The following FAM193B variants were observed in gnomAD, a reference collection of about 807,000 sequenced individuals.
The protein encoded by FAM193B is family with sequence similarity 193 member B.
A neutral mutation model predicts 70.7 loss-of-function variants in FAM193B; 27 were observed. That is an observed-to-expected ratio of 0.38 (90% CI 0.28 to 0.53). The LOEUF (loss-of-function observed/expected upper bound fraction) is 0.53, where lower values mean the gene tolerates loss of function less well. Among genes scored for constraint, FAM193B ranks in the 20% least tolerant of loss-of-function variants. FAM193B has a pLI of 0.81. For missense variants in FAM193B, 1,022 were observed against 1,072.5 expected (o/e 0.95, Z 0.66); for synonymous variants, 448 against 436.0 (o/e 1.03, Z -0.34).
At chr5:177,547,519 C>T (rs1035297076) in intron 1 of FAM193B, among the ~76,000 whole-genome samples, 9 of 151,288 alleles carry the variant, frequency 5.9e-5, no homozygotes, top group Admixed American at 2.0e-4. Context: ...CTCCTGACCT[C>T]GTGATCCTCC....
At chr5:177,521,784 G>A (rs1193561752) in intron 8 of FAM193B, among the ~76,000 whole-genome samples, 190 bp downstream of exon 8, 1 of 152,214 alleles carries the variant, frequency 6.6e-6, no homozygotes, top group East Asian at 1.9e-4. Flanking sequence ...GTGGCTGCGG[G>A]AGGAGATGGG....
intron 1 of FAM193B, among the ~76,000 whole-genome samples, chr5:177,544,417 C>T (rs578084726): frequency 2.0e-5 from 3 of 152,088 alleles, no homozygotes; most frequent in Non-Finnish European, 4.4e-5. Flanking sequence ...TTTCATGGAA[C>T]ACCATTTTTT....
Position 177,554,188 on chromosome 5 carries a change from C to A in FAM193B, c.210+61G>T, listed in dbSNP as rs1428632526. ...CCCATCCCCAACCCCGCCCCACTCC[C>A]GCTCCCGCTCGGGGAAGGTGAAAGC... On this transcript the variant is annotated intron_variant, in intron 1 of 8. Coordinates refer to ENST00000514747, the MANE Select transcript of FAM193B (RefSeq NM_001190946.3). The A allele has an allele frequency of 2.0e-6, 3 of 1,474,810 alleles. No individual in the cohort carries two copies. In the South Asian group the frequency reaches 3.7e-5, roughly 18 times the overall value. The allele number at this position is 1,474,810 out of a possible 1,614,324, so 91.4% of individuals were successfully genotyped here.
At position 177,524,380 on chromosome 5, in the gene FAM193B, C is replaced by T. The variant is rs1762259090; in HGVS notation, c.2101G>A (p.Gly701Ser). The T allele has an allele frequency of 1.3e-6, 2 of 1,573,474 alleles. No homozygotes were observed. Among genetic ancestry groups the T allele is most frequent in the Non-Finnish European group, 1.7e-6 (2 of 1,160,284 alleles). The change falls in exon 6 of 9, where the codon GGT (glycine) becomes AGT (serine). Residue 701 changes from glycine to serine, a missense_variant. Transcript: ENST00000514747. ...EGSRGSRPGPGWAGSPKTEKE... is the reference protein window; with the variant it reads ...EGSRGSRPGPSWAGSPKTEKE... ...TCAGTTTTGGGACTGCCAGCCCAAC[C>T]TGGTCCTGGCCGGCTCCCCCGGCTC...
At chr5:177,548,356 AG>A (rs1438644725) in intron 1 of FAM193B, among the ~76,000 whole-genome samples, 1 of 152,170 alleles carries the variant, frequency 6.6e-6, no homozygotes, top group Admixed American at 6.5e-5. Flanking sequence ...GAGTAGGCAC[AG>A]GTAAGTGTTT....
chr5:177,528,299 A>C (rs1044769162), intron 5 of FAM193B, among the ~76,000 whole-genome samples: 1 of 152,142 alleles, frequency 6.6e-6, no homozygotes, highest in Non-Finnish European at 1.5e-5. Context: ...TGGGTAGAAA[A>C]CCGCCTGCAA....
intron 1 of FAM193B, among the ~76,000 whole-genome samples, chr5:177,546,638 C>G (rs1281986007): frequency 1.2e-4 from 19 of 152,330 alleles, no homozygotes; most frequent in Admixed American, 1.1e-3. Context: ...TCTAAGAGAG[C>G]TGACACAACC....
rs148232955 is a variant in FAM193B at position 177,548,107 on chromosome 5, T to C, written c.210+6142A>G. ...TGTTCCTTCTGCCTTTTTCTTCTCT[T>C]TTTTTTAGGCTCGATCTGGGTGTTA... On this transcript the variant is annotated intron_variant, in intron 1 of 8. Transcript: ENST00000514747. Among the ~76,000 whole-genome samples, 69 of 152,302 alleles carry C rather than the reference T, an allele frequency of 4.5e-4. 1 individual carries two copies. The highest frequency in any genetic ancestry group is 6.8e-3 in the Middle Eastern group (2 of 294).
At chr5:177,529,181 C>T (rs1192738439) in intron 5 of FAM193B, among the ~76,000 whole-genome samples, 1 of 151,572 alleles carries the variant, frequency 6.6e-6, no homozygotes, top group Non-Finnish European at 1.5e-5. Flanking sequence ...CAGGGTGTCT[C>T]TCTGCTCCCT....
chr5:177,539,143 G>A lies in FAM193B; in HGVS notation c.215C>T (p.Pro72Leu), dbSNP rs1168318517. The A allele has an allele frequency of 1.3e-6, 2 of 1,564,294 alleles. No individual in the cohort carries two copies. Among genetic ancestry groups the A allele is most frequent in the Non-Finnish European group, 8.7e-7 (1 of 1,154,676 alleles). Residue 72 changes from proline (P) to leucine (L), a missense_variant, in exon 2 of 9, where the codon CCC (proline) becomes CTC (leucine). Pro to Leu is a moderately conservative substitution (Grantham distance 98, BLOSUM62 -3). Transcript: ENST00000514747. ...EPNLVPGPQVPPASSQPVQTC... is the reference protein window; with the variant it reads ...EPNLVPGPQVLPASSQPVQTC... Reference sequence around the variant, plus strand: ...CTGCACAGGCTGGCTGGAGGCGGGGGGGACCTGTCCAACAGACAGAAACAG... The same window carrying A: ...CTGCACAGGCTGGCTGGAGGCGGGGAGGACCTGTCCAACAGACAGAAACAG...
chr5:177,523,851 G>T, intron 7 of FAM193B, 106 bp downstream of exon 7: 2 of 1,321,540 alleles, frequency 1.5e-6, no homozygotes, highest in Non-Finnish European at 2.1e-6. Flanking sequence ...AAGGGGTCAG[G>T]GCCAAGGGAG....
chr5:177,547,286 CTTTTT>C (rs35063787), intron 1 of FAM193B: 1 of 89,414 alleles, frequency 1.1e-5, no homozygotes, highest in African/African-American at 4.6e-5. Flanking sequence ...AAATTTATTT[CTTTTT>C]TTTTTTTTTT....
At chr5:177,527,075 G>C (rs1458566829) in intron 5 of FAM193B, among the ~76,000 whole-genome samples, 1 of 152,228 alleles carries the variant, frequency 6.6e-6, no homozygotes, top group Non-Finnish European at 1.5e-5. Context: ...CTGGAGGTGG[G>C]AGGATCTGCA....
At chr5:177,520,498 G>A in intron 8 of FAM193B, among the ~76,000 whole-genome samples, 1 of 152,202 alleles carries the variant, frequency 6.6e-6, no homozygotes, top group East Asian at 1.9e-4. Context: ...GCCTCTGACT[G>A]TAGGTGCACA....
chr5:177,527,851 GGAAAGCAGGCCTGTTCGGA>G (rs1762851452), intron 5 of FAM193B, among the ~76,000 whole-genome samples: 1 of 152,196 alleles, frequency 6.6e-6, no homozygotes, highest in Admixed American at 6.5e-5. Context: ...AACAGAGAAG[GGAAAGCAGGCCTGTTCGGA>G]GAAAGACAAC....
intron 1 of FAM193B, 70 bp downstream of exon 1, chr5:177,554,179 C>A: frequency 6.8e-7 from 1 of 1,468,582 alleles, no homozygotes; most frequent in Non-Finnish European, 9.0e-7. Flanking sequence ...CCCAACCCCG[C>A]CCCACTCCCG....
intron 4 of FAM193B, among the ~76,000 whole-genome samples, chr5:177,536,152 A>G (rs770673736): frequency 3.3e-5 from 5 of 152,086 alleles, no homozygotes; most frequent in Non-Finnish European, 7.4e-5. Flanking sequence ...GGCTCAAGTG[A>G]TCTTCCTGCC....
intron 5 of FAM193B, among the ~76,000 whole-genome samples, chr5:177,530,804 A>C (rs996275498): frequency 5.3e-5 from 8 of 152,120 alleles, no homozygotes; most frequent in African/African-American, 1.9e-4. Context: ...GCCTGCTGCC[A>C]GGAGGGCCCT....
chr5:177,529,289 A>G (rs1763101065), intron 5 of FAM193B, among the ~76,000 whole-genome samples: 1 of 151,786 alleles, frequency 6.6e-6, no homozygotes, highest in East Asian at 2.0e-4. Flanking sequence ...AGAAGGGAGC[A>G]GAGAGACACT....
Sources: allele counts gnomAD v4.1 joint callset (sites outside exome capture counted in the v4.1 genomes callset), GRCh38; gene constraint gnomAD v4.1.1; transcripts MANE v1.5; gene names NCBI Gene and HGNC (gene_info 2026-07-23, HGNC 2026-07-21).